DNAI4: variants seen among roughly 807,000 people sequenced by gnomAD.
DNAI4 encodes the protein WD repeat domain 78.
In DNAI4, 85 loss-of-function variants were observed where a neutral mutation model predicts 105.8. That is an observed-to-expected ratio of 0.80 (90% confidence interval 0.67 to 0.96). DNAI4 has a LOEUF of 0.96. Ranked by LOEUF, DNAI4 falls within the 40% of genes least tolerant of loss-of-function variation. DNAI4 has a pLI of 0.00. For missense variants in DNAI4, 1,014 were observed against 1,005.6 expected (o/e 1.01, Z -0.11); for synonymous variants, 352 against 331.5 (o/e 1.06, Z -0.67).
At chr1:66,853,242 T>G (rs139817405) in intron 7 of DNAI4, among the ~76,000 whole-genome samples, 35 of 152,328 alleles carry the variant, frequency 2.3e-4, no homozygotes, top group Admixed American at 1.9e-3. Context: ...AGAGAAGACA[T>G]GCAGAACTAT....
intron 1 of DNAI4, among the ~76,000 whole-genome samples, chr1:66,914,116 T>A (rs910909300): frequency 1.3e-4 from 20 of 149,430 alleles, no homozygotes; most frequent in Non-Finnish European, 2.5e-4. Context: ...AGAAAAAAAA[T>A]AAAAATAAAA....
rs764541012 is a variant in DNAI4, at chr1:66,837,654, T to G, written c.1581+56A>C. 7 of 1,501,006 alleles carry G rather than the reference T, an allele frequency of 4.7e-6. No homozygotes were observed. The South Asian group carries it at 8.7e-5, about 19-fold the overall frequency. 93.0% of individuals were successfully genotyped at this position (1,501,006 alleles called of 1,614,324 possible). A position where few individuals can be genotyped will look rare whatever the true frequency, so the allele number is the denominator to read the frequency against. On this transcript the variant is annotated intron_variant, in intron 10 of 16. Coordinates refer to ENST00000371026, the MANE Select transcript of DNAI4 (RefSeq NM_024763.5). ...AATTATTACATGTAATTATATATTT[T>G]ATGAGAATTTTGTCAACAGCCAGAT...
intron 10 of DNAI4, among the ~76,000 whole-genome samples, chr1:66,836,315 AGAAAGAAAGAAG>A (rs1346474328): frequency 2.1e-3 from 249 of 116,936 alleles, no homozygotes; most frequent in African/African-American, 6.9e-3. Flanking sequence ...AAAGAAAGAA[AGAAAGAAAGAAG>A]GAAAGAGGGA....
At chr1:66,922,843 A>G (rs1020161928) in intron 1 of DNAI4, among the ~76,000 whole-genome samples, 1 of 152,242 alleles carries the variant, frequency 6.6e-6, no homozygotes, top group Non-Finnish European at 1.5e-5. Flanking sequence ...TTATTAACTT[A>G]TAAGTGCAGG....
At chr1:66,894,444 A>T (rs1023792262) in intron 2 of DNAI4, among the ~76,000 whole-genome samples, 1 of 151,754 alleles carries the variant, frequency 6.6e-6, no homozygotes, top group African/African-American at 2.4e-5. Flanking sequence ...GTCTTCTTTC[A>T]CTCTGTGGCT....
At chr1:66,910,319 C>A (rs1649562953) in intron 1 of DNAI4, among the ~76,000 whole-genome samples, 2 of 152,198 alleles carry the variant, frequency 1.3e-5, no homozygotes, top group South Asian at 2.1e-4. Context: ...AAGCCTAAGT[C>A]CTTACTATGA....
At chr1:66,885,606 C>T (rs1647177890) in intron 4 of DNAI4, among the ~76,000 whole-genome samples, 1 of 152,048 alleles carries the variant, frequency 6.6e-6, no homozygotes, top group Non-Finnish European at 1.5e-5. Flanking sequence ...ATAATAATCC[C>T]AGCACTCAGG....
chr1:66,857,649 C>T (rs1646531214), intron 7 of DNAI4, among the ~76,000 whole-genome samples: 1 of 151,886 alleles, frequency 6.6e-6, no homozygotes, highest in African/African-American at 2.4e-5. Context: ...ATTCTCCTGC[C>T]TCAGCCTCCC....
rs750628003 is a variant in DNAI4 at position 66,905,382 on chromosome 1, A to T, written c.171-7T>A. ...TGGTTGTGTGGCATTGTTCCTATATAAGAAAAATAAAATATAATGCAAAGG... is the reference window on the plus strand; with the variant it reads ...TGGTTGTGTGGCATTGTTCCTATATTAGAAAAATAAAATATAATGCAAAGG... On this transcript the variant is annotated splice_polypyrimidine_tract_variant and splice_region_variant and intron_variant, in intron 1 of 16. Transcript: ENST00000371026. 90 of 1,415,768 alleles carry T rather than the reference A, an allele frequency of 6.4e-5. No homozygotes were observed. Among genetic ancestry groups the T allele is most frequent in the Non-Finnish European group, 6.3e-5 (67 of 1,070,196 alleles). 87.7% of individuals were successfully genotyped at this position (1,415,768 alleles called of 1,614,324 possible).
intron 1 of DNAI4, among the ~76,000 whole-genome samples, chr1:66,912,482 A>G (rs940093233): frequency 6.6e-6 from 1 of 151,896 alleles, no homozygotes; most frequent in Non-Finnish European, 1.5e-5. Flanking sequence ...AAAAAAAAAG[A>G]AACTCAAAAG....
chr1:66,856,695 C>A (rs1646509749), intron 7 of DNAI4, among the ~76,000 whole-genome samples: 1 of 151,322 alleles, frequency 6.6e-6, no homozygotes, highest in Non-Finnish European at 1.5e-5. Flanking sequence ...TTGGACAATC[C>A]CAAAATATTT....
chr1:66,877,116 G>T (rs1646974358), intron 4 of DNAI4, among the ~76,000 whole-genome samples: 1 of 152,132 alleles, frequency 6.6e-6, no homozygotes, highest in Admixed American at 6.6e-5. Flanking sequence ...TATTCTCAGA[G>T]ACCCCAGTAG....
chr1:66,848,004 G>A (rs1646314121), intron 7 of DNAI4: 4 of 357,104 alleles, frequency 1.1e-5, no homozygotes, highest in South Asian at 9.2e-5. Context: ...TTTGATTATT[G>A]CTATACAGAA....
At chr1:66,824,800 A>T (rs1366638509) in intron 15 of DNAI4, among the ~76,000 whole-genome samples, 1 of 152,260 alleles carries the variant, frequency 6.6e-6, no homozygotes, top group Non-Finnish European at 1.5e-5. Flanking sequence ...CAGCTTAAGG[A>T]TAATTCACTA....
chr1:66,825,803 A>C (rs962432716), intron 15 of DNAI4, among the ~76,000 whole-genome samples: 4 of 152,204 alleles, frequency 2.6e-5, no homozygotes, highest in Admixed American at 2.0e-4. Context: ...CAAAATTTTA[A>C]AGTTACTGAA....
chr1:66,921,361 T>C (rs1650466179), intron 1 of DNAI4: 1 of 152,132 alleles, frequency 6.6e-6, no homozygotes. Flanking sequence ...AACTGACAAA[T>C]ATTTGCTTCA....
chr1:66,913,779 G>C (rs1050813131), intron 1 of DNAI4, among the ~76,000 whole-genome samples: 1 of 151,956 alleles, frequency 6.6e-6, no homozygotes, highest in African/African-American at 2.4e-5. Context: ...TCAGGAAATC[G>C]AGACCATCCT....
intron 13 of DNAI4, among the ~76,000 whole-genome samples, chr1:66,830,995 A>C (rs1213770156): frequency 6.7e-6 from 1 of 149,010 alleles, no homozygotes; most frequent in African/African-American, 2.4e-5. Context: ...AAAAAAAAAA[A>C]TTAGAGGTGA....
At chr1:66,863,645 G>A (rs555545006) in intron 6 of DNAI4, among the ~76,000 whole-genome samples, 12 of 152,024 alleles carry the variant, frequency 7.9e-5, no homozygotes, top group Non-Finnish European at 1.6e-4. Context: ...TTTTAGTAGA[G>A]ATGGGGTTCA....
Sources: allele counts gnomAD v4.1 joint callset (sites outside exome capture counted in the v4.1 genomes callset), GRCh38; gene constraint gnomAD v4.1.1; transcripts MANE v1.5; gene names NCBI Gene and HGNC (gene_info 2026-07-23, HGNC 2026-07-21).